The following LRP1B variants were observed in gnomAD, a reference collection of about 807,000 sequenced individuals.
The protein encoded by LRP1B is LDL receptor related protein 1B.
In LRP1B, 217 loss-of-function variants were observed where a neutral mutation model predicts 556.6. The ratio of observed to expected loss-of-function variants is 0.39; its 90% CI spans 0.35 to 0.44. The LOEUF (loss-of-function observed/expected upper bound fraction) is 0.44. LRP1B is among the 20% of genes least tolerant of loss of function. The pLI, the probability that LRP1B is intolerant of heterozygous loss-of-function variation, is 1.00. For synonymous variants in LRP1B, 2,047 were observed against 1,865.8 expected (o/e 1.10, Z -2.50); for missense variants, 5,053 against 5,620.8 (o/e 0.90, Z 3.23).
chr2:140,257,887 C>G (rs1485521877), intron 86 of LRP1B, among the ~76,000 whole-genome samples: 4 of 152,150 alleles, frequency 2.6e-5, no homozygotes, highest in African/African-American at 9.7e-5. Flanking sequence ...TAAGCATTCT[C>G]TAAGGGACCA....
chr2:140,939,483 A>G (rs1303000021), intron 20 of LRP1B, among the ~76,000 whole-genome samples: 1 of 148,204 alleles, frequency 6.7e-6, no homozygotes, highest in Non-Finnish European at 1.5e-5. Context: ...TTATAAATAT[A>G]TTATAATAAA....
At chr2:140,645,392 T>C (rs1684442241) in intron 41 of LRP1B, among the ~76,000 whole-genome samples, 1 of 152,100 alleles carries the variant, frequency 6.6e-6, no homozygotes, top group African/African-American at 2.4e-5. Context: ...TTGTTACCAT[T>C]AGACATGAAG....
At chr2:141,677,692 T>C (rs759366940) in intron 2 of LRP1B, among the ~76,000 whole-genome samples, 15 of 152,178 alleles carry the variant, frequency 9.9e-5, no homozygotes, top group Non-Finnish European at 1.6e-4. Flanking sequence ...TTTCTCCATG[T>C]TGTTCAGGCT....
Position 140,501,855 on chromosome 2 carries a change from T to C in LRP1B, c.8682A>G (p.Ser2894=), listed in dbSNP as rs2104891862. 6.2e-7 allele frequency: 1 copy of C among 1,605,958 alleles called. No individual in the cohort carries two copies. Among genetic ancestry groups the C allele is most frequent in the Non-Finnish European group, 8.5e-7 (1 of 1,175,628 alleles). ...ACCTGCCATTTTTGCACATAAAAAATGAACTGTTGCATGACTGTTCTGGAA... is the reference window on the plus strand; with the variant it reads ...ACCTGCCATTTTTGCACATAAAAAACGAACTGTTGCATGACTGTTCTGGAA... The part of the protein sequence containing the change: ...CKSAEQSCNS[S]FFMCKNGRCI... Residue 2894 remains serine (S), a synonymous_variant, in exon 55 of 91, where the codon TCA becomes TCG. Transcript: ENST00000389484.
chr2:141,867,571 T>C (rs569129718), intron 1 of LRP1B, among the ~76,000 whole-genome samples: 1 of 152,300 alleles, frequency 6.6e-6, no homozygotes, highest in South Asian at 2.1e-4. Flanking sequence ...GACTAAGGTA[T>C]GTCTTATTCA....
chr2:141,022,176 TATC>T (rs1366518928), intron 11 of LRP1B, among the ~76,000 whole-genome samples: 2 of 151,714 alleles, frequency 1.3e-5, no homozygotes, highest in Admixed American at 6.6e-5. Context: ...CCTGTAATAA[TATC>T]ATTTTAATTT....
intron 2 of LRP1B, among the ~76,000 whole-genome samples, chr2:141,569,254 C>T (rs951687615): frequency 6.6e-6 from 1 of 150,836 alleles, no homozygotes; most frequent in South Asian, 2.1e-4. Flanking sequence ...AAAAGGGGAA[C>T]ATATTTCTAG....
chr2:141,355,841 C>T (rs1250597165), intron 3 of LRP1B, among the ~76,000 whole-genome samples: 1 of 152,098 alleles, frequency 6.6e-6, no homozygotes, highest in Non-Finnish European at 1.5e-5. Context: ...GCTACCTTTT[C>T]CTAATTCCTA....
chr2:142,014,366 C>T (rs2105161713), intron 1 of LRP1B, among the ~76,000 whole-genome samples: 1 of 152,224 alleles, frequency 6.6e-6, no homozygotes, highest in Non-Finnish European at 1.5e-5. Flanking sequence ...TTCTAATTAA[C>T]ATCCATTTAG....
chr2:140,848,286 A>G (rs1692337143), intron 29 of LRP1B, among the ~76,000 whole-genome samples: 1 of 152,140 alleles, frequency 6.6e-6, no homozygotes, highest in Non-Finnish European at 1.5e-5. Context: ...CTGCCCTTGT[A>G]AAAAAATTCT....
intron 66 of LRP1B, among the ~76,000 whole-genome samples, chr2:140,426,054 A>T (rs1480290692): frequency 6.6e-6 from 1 of 152,212 alleles, no homozygotes; most frequent in South Asian, 2.1e-4. Flanking sequence ...AAGAAAACAG[A>T]TAATACAAAC....
intron 7 of LRP1B, among the ~76,000 whole-genome samples, chr2:141,078,608 C>G (rs1472193258): frequency 1.0e-5 from 1 of 96,234 alleles, no homozygotes; most frequent in Non-Finnish European, 2.2e-5. Flanking sequence ...CAGAAAAAGC[C>G]TGCCAAGAGG....
At chr2:140,999,816 A>T (rs1401837605) in intron 15 of LRP1B, among the ~76,000 whole-genome samples, 1 of 152,048 alleles carries the variant, frequency 6.6e-6, no homozygotes, top group Non-Finnish European at 1.5e-5. Flanking sequence ...GAAAGGTTGG[A>T]GATACAAAAA....
intron 1 of LRP1B, among the ~76,000 whole-genome samples, chr2:142,051,463 GTTTTTTTGT>G (rs1323757874): frequency 1.0e-5 from 1 of 97,876 alleles, no homozygotes; most frequent in Non-Finnish European, 2.3e-5. Flanking sequence ...TTAAAGGTGT[GTTTTTTTGT>G]TTTTTTGTTT....
chr2:142,063,879 A>C (rs754735406), intron 1 of LRP1B, among the ~76,000 whole-genome samples: 2 of 151,620 alleles, frequency 1.3e-5, no homozygotes, highest in African/African-American at 4.8e-5. Flanking sequence ...TCTCCACCCT[A>C]TAAGTATTTC....
At chr2:141,268,358 C>A (rs1684966553) in intron 3 of LRP1B, among the ~76,000 whole-genome samples, 1 of 152,134 alleles carries the variant, frequency 6.6e-6, no homozygotes, top group Non-Finnish European at 1.5e-5. Context: ...TGTTAGCTAA[C>A]TTAGCTACTT....
intron 80 of LRP1B, 78 bp downstream of exon 80, chr2:140,325,684 A>T (rs571962090): frequency 3.2e-5 from 30 of 925,808 alleles, no homozygotes; most frequent in South Asian, 2.5e-4. Context: ...AAAGTAAAGT[A>T]TCCATACTTA....
chr2:140,799,326 C>A (rs1377986806), intron 32 of LRP1B, among the ~76,000 whole-genome samples: 1 of 152,054 alleles, frequency 6.6e-6, no homozygotes, highest in Admixed American at 6.6e-5. Context: ...CACCAGAATG[C>A]TTGCTTTCCT....
At chr2:140,924,067 ATCTTGCATAGC>A (rs2105260508) in intron 20 of LRP1B, among the ~76,000 whole-genome samples, 1 of 152,148 alleles carries the variant, frequency 6.6e-6, no homozygotes, top group East Asian at 1.9e-4. Flanking sequence ...TTTATTGTGT[ATCTTGCATAGC>A]TCTATCTAGC....
Sources: allele counts gnomAD v4.1 joint callset (sites outside exome capture counted in the v4.1 genomes callset), GRCh38; gene constraint gnomAD v4.1.1; transcripts MANE v1.5; gene names NCBI Gene and HGNC (gene_info 2026-07-23, HGNC 2026-07-21).